GPR22: variants seen among roughly 807,000 people sequenced by gnomAD.
GPR22 encodes the protein G protein-coupled receptor 22, also known as G-protein coupled receptor 22.
Under a neutral mutation model 31.0 loss-of-function variants are expected in GPR22, and 13 were observed. That is an observed-to-expected ratio of 0.42 (90% CI 0.27 to 0.67). GPR22 has a LOEUF of 0.67. GPR22 is among the 30% of genes least tolerant of loss of function. The probability of loss-of-function intolerance (pLI) is 0.25; values close to 1 mark genes in which losing one functional copy is unlikely to be tolerated. For missense variants in GPR22, 368 were observed against 509.6 expected (o/e 0.72, Z 2.67); for synonymous variants, 191 against 173.4 (o/e 1.10, Z -0.80).
rs1291145889 is a variant in GPR22, at chr7:107,475,006, T to C, written c.946T>C (p.Leu316=). The C allele has an allele frequency of 6.2e-7, 1 of 1,612,934 alleles. No individual in the cohort carries two copies. Among genetic ancestry groups the C allele is most frequent in the Admixed American group, 1.7e-5 (1 of 59,850 alleles). ...ACAAAAGAGAGTCTTCAGGATGTCTTTATTGATTATTTCTACATTTCTTCT... is the reference window on the plus strand; with the variant it reads ...ACAAAAGAGAGTCTTCAGGATGTCTCTATTGATTATTTCTACATTTCTTCT... ...ERQKRVFRMS[L]LIISTFLLCW... Residue 316 remains leucine (L), a synonymous_variant, in exon 3 of 3, where the codon TTA becomes CTA. Coordinates refer to ENST00000304402, the MANE Select transcript of GPR22 (RefSeq NM_005295.3).
chr7:107,475,408 A>C lies in GPR22; in HGVS notation c.*46A>C. 3.3e-6 allele frequency: 3 copies of C among 901,098 alleles called. No homozygotes were observed. Among genetic ancestry groups the C allele is most frequent in the Non-Finnish European group, 5.0e-6 (3 of 600,048 alleles). 55.8% of individuals were successfully genotyped at this position (901,098 alleles called of 1,614,324 possible). On this transcript the variant is annotated 3_prime_UTR_variant, in exon 3 of 3. Transcript: ENST00000304402. ...AAATCCACATTCAAATGAGTTTTAA[A>C]TTTAAATTGTAAAAACTGATATTAC...
At position 107,475,166 on chromosome 7, in the gene GPR22, T is replaced by C. The variant is rs781055913; in HGVS notation, c.1106T>C (p.Phe369Ser). Residue 369 changes from phenylalanine (F) to serine (S), a missense_variant, in exon 3 of 3, where the codon TTC becomes TCC. Physicochemically the swap from Phe to Ser is radical, Grantham distance 155 (BLOSUM62 -2). Coordinates refer to ENST00000304402, the MANE Select transcript of GPR22 (RefSeq NM_005295.3). ...ATATTTCACCCTCTATTATATGCAT[T>C]CACTAGACAAAAATTTCAAAAGGTC... ...TTIFHPLLYA[F>S]TRQKFQKVLK... 1 of 1,609,926 alleles carries C rather than the reference T, an allele frequency of 6.2e-7. No individual in the cohort carries two copies. Among genetic ancestry groups the C allele is most frequent in the Non-Finnish European group, 8.5e-7 (1 of 1,177,522 alleles).
At position 107,474,336 on chromosome 7, in the gene GPR22, T is replaced by C; in HGVS notation, c.276T>C (p.Cys92=). 1 of 1,612,098 alleles carries C rather than the reference T, an allele frequency of 6.2e-7. No individual in the cohort carries two copies. The highest frequency in any genetic ancestry group is 8.5e-7 in the Non-Finnish European group (1 of 1,178,310). Residue 92 remains cysteine (C), a synonymous_variant, in exon 3 of 3, where the codon TGT becomes TGC. Coordinates refer to ENST00000304402, the MANE Select transcript of GPR22 (RefSeq NM_005295.3). The surrounding 1 kb of genome is among the most constrained non-coding windows in gnomAD (Gnocchi z 5.7). ...MNLHVLDVII[C]VGCIPLTIVI... ...TTCATGTACTTGATGTAATAATTTG[T>C]GTGGGATGTATTCCTCTAACTATAG...
At chr7:107,476,927 G>C (rs1797031939), downstream of GPR22, among the ~76,000 whole-genome samples, 1 of 151,464 alleles carries the variant, frequency 6.6e-6, no homozygotes, top group Non-Finnish European at 1.5e-5. Context: ...AACTCACTAA[G>C]GTTACATGAC....
chr7:107,470,670 A>G (rs922263187), intron 1 of GPR22, among the ~76,000 whole-genome samples: 2 of 152,122 alleles, frequency 1.3e-5, no homozygotes, highest in African/African-American at 2.4e-5. Flanking sequence ...CATTATGAAG[A>G]CAGCTTTTGA....
downstream of GPR22, among the ~76,000 whole-genome samples, chr7:107,476,236 C>A (rs1796986747): frequency 8.5e-6 from 1 of 117,802 alleles, no homozygotes; most frequent in Admixed American, 8.8e-5. Flanking sequence ...AGCTGACTTC[C>A]TAACTTTATT....
At chr7:107,475,939 C>A, downstream of GPR22, among the ~76,000 whole-genome samples, 1 of 150,774 alleles carries the variant, frequency 6.6e-6, no homozygotes, top group Non-Finnish European at 1.5e-5. Flanking sequence ...TAGAATTTAT[C>A]AAAATTTTAA....
rs752189081 is a variant in GPR22, at chr7:107,474,451, A to G, written c.391A>G (p.Ile131Val). The part of the protein sequence containing the change: ...CVSFASVSTA[I>V]NVFAITLDRY... Reference sequence around the variant, plus strand: ...ATCTTTTGCAAGTGTCTCAACAGCAATCAACGTTTTTGCTATCACTTTGGA... The same window carrying G: ...ATCTTTTGCAAGTGTCTCAACAGCAGTCAACGTTTTTGCTATCACTTTGGA... Residue 131 changes from isoleucine to valine, a missense_variant, in exon 3 of 3, where the codon ATC becomes GTC. By Grantham distance (29) the Ile-to-Val change is conservative. Transcript: ENST00000304402. The surrounding 1 kb of genome is among the most constrained non-coding windows in gnomAD (Gnocchi z 5.7). The G allele has an allele frequency of 6.2e-7, 1 of 1,613,428 alleles. No individual in the cohort carries two copies. The highest frequency in any genetic ancestry group is 2.2e-5 in the East Asian group (1 of 44,858).
chr7:107,473,958 T>TTTTTTTC, intron 2 of GPR22, 77 bp from the exon 3 acceptor site: 1 of 561,750 alleles, frequency 1.8e-6, no homozygotes, highest in Non-Finnish European at 3.1e-6. Context: ...TTGAAAGATT[T>TTTTTTTC]TTTTTCTTAC....
chr7:107,474,324 T>C lies in GPR22; in HGVS notation c.264T>C (p.Asp88=). ...NIITMNLHVL[D]VIICVGCIPL... ...TTACAATGAATCTTCATGTACTTGA[T>C]GTAATAATTTGTGTGGGATGTATTC... is the stretch of plus-strand genomic sequence containing the variant. The change falls in exon 3 of 3, where the codon GAT becomes GAC. Residue 88 remains aspartate, a synonymous_variant. Transcript: ENST00000304402. This position sits in a 1 kb window ranked among gnomAD's most constrained non-coding sequence, Gnocchi z 5.7. The C allele has an allele frequency of 6.2e-7, 1 of 1,611,302 alleles. No individual in the cohort carries two copies. Among genetic ancestry groups the C allele is most frequent in the South Asian group, 1.1e-5 (1 of 91,002 alleles).
In GPR22 at chr7:107,475,272, T is replaced by C. The variant is rs1329533419; in HGVS notation, c.1212T>C (p.Ser404=). 6 of 1,600,790 alleles carry C rather than the reference T, an allele frequency of 3.7e-6. No individual in the cohort carries two copies. The change falls in exon 3 of 3, where the codon TCT becomes TCC. Residue 404 remains serine, a synonymous_variant. Coordinates refer to ENST00000304402, the MANE Select transcript of GPR22 (RefSeq NM_005295.3). ...PLPNNAVIHN[S]WIDPKRNKKI... is the part of the protein sequence containing the mutation. ...CTAATAATGCTGTAATACACAACTCTTGGATAGATCCTAAAAGAAACAAAA... is the reference window on the plus strand; with the variant it reads ...CTAATAATGCTGTAATACACAACTCCTGGATAGATCCTAAAAGAAACAAAA...
At position 107,471,734 on chromosome 7, in the gene GPR22, G is replaced by A. The variant is rs1796645437; in HGVS notation, c.-595G>A. ...AAAAAGAAAAGAAAATACTTTATCA[G>A]CACACAAAAGGAAGATTTAGGAAGT... On this transcript the variant is annotated 5_prime_UTR_variant, in exon 2 of 3. Coordinates refer to ENST00000304402, the MANE Select transcript of GPR22 (RefSeq NM_005295.3). The A allele has an allele frequency of 6.6e-6, 1 of 151,964 alleles. No individual in the cohort carries two copies. The highest frequency in any genetic ancestry group is 2.1e-4 in the South Asian group (1 of 4,834). 9.4% of individuals were successfully genotyped at this position (151,964 alleles called of 1,614,324 possible). A position where few individuals can be genotyped will look rare whatever the true frequency, so the allele number is the denominator to read the frequency against.
downstream of GPR22, among the ~76,000 whole-genome samples, chr7:107,476,405 C>G (rs1320207181): frequency 6.6e-6 from 1 of 151,430 alleles, no homozygotes. Flanking sequence ...ATGTTCCCAC[C>G]AAATCATAGC....
rs778309420 is a variant in GPR22, at chr7:107,474,046, A to C, written c.-15A>C. The stretch of plus-strand genomic sequence containing the variant: ...ATTTCACTTTCTAGGGAAAAAAACC[A>C]ACTGCTCCAAAAGAATGTGTTTTTC... On this transcript the variant is annotated 5_prime_UTR_variant, in exon 3 of 3. Coordinates refer to ENST00000304402, the MANE Select transcript of GPR22 (RefSeq NM_005295.3). The surrounding 1 kb of genome is among the most constrained non-coding windows in gnomAD (Gnocchi z 5.7). 1 of 1,430,306 alleles carries C rather than the reference A, an allele frequency of 7.0e-7. No homozygotes were observed. The highest frequency in any genetic ancestry group is 1.3e-5 in the South Asian group (1 of 74,798). 88.6% of individuals were successfully genotyped at this position (1,430,306 alleles called of 1,614,324 possible). A position where few individuals can be genotyped will look rare whatever the true frequency, so the allele number is the denominator to read the frequency against.
In GPR22 at chr7:107,475,137, A is replaced by G. The variant is rs905147375; in HGVS notation, c.1077A>G (p.Thr359=). 4 of 1,610,318 alleles carry G rather than the reference A, an allele frequency of 2.5e-6. No homozygotes were observed. In the African/African-American group the frequency reaches 5.4e-5, roughly 22 times the overall value. The part of the protein sequence containing the change: ...RLCFLVMAYG[T]TIFHPLLYAF... ...GTTTTTTAGTCATGGCTTATGGAACAACTATATTTCACCCTCTATTATATG... is the reference window on the plus strand; with the variant it reads ...GTTTTTTAGTCATGGCTTATGGAACGACTATATTTCACCCTCTATTATATG... Residue 359 remains threonine (T), a synonymous_variant, in exon 3 of 3, where the codon ACA becomes ACG. Coordinates refer to ENST00000304402, the MANE Select transcript of GPR22 (RefSeq NM_005295.3).
chr7:107,474,740 T>G lies in GPR22; in HGVS notation c.680T>G (p.Met227Arg). The G allele has an allele frequency of 6.2e-7, 1 of 1,610,762 alleles. No individual in the cohort carries two copies. Among genetic ancestry groups the G allele is most frequent in the South Asian group, 1.1e-5 (1 of 90,716 alleles). ...IPIFFFTVVV[M>R]LITYTKILQA... Reference sequence around the variant, plus strand: ...ATATTCTTTTTCACTGTTGTAGTAATGTTAATCACATACACCAAAATACTT... The same window carrying G: ...ATATTCTTTTTCACTGTTGTAGTAAGGTTAATCACATACACCAAAATACTT... The change falls in exon 3 of 3, where the codon ATG (methionine) becomes AGG (arginine). Residue 227 changes from methionine (M) to arginine (R), a missense_variant. Met to Arg is a moderately conservative substitution (Grantham distance 91). Transcript: ENST00000304402. The surrounding 1 kb of genome is among the most constrained non-coding windows in gnomAD (Gnocchi z 5.7).
intron 2 of GPR22, 34 bp downstream of exon 2, chr7:107,472,336 C>T (rs1412413707): frequency 6.6e-6 from 1 of 151,934 alleles, no homozygotes; most frequent in African/African-American, 2.4e-5. Context: ...TCAATGATAT[C>T]ATGTATCAAT....
downstream of GPR22, among the ~76,000 whole-genome samples, chr7:107,476,775 A>T (rs533773607): frequency 1.3e-5 from 2 of 151,842 alleles, no homozygotes; most frequent in African/African-American, 4.8e-5. Context: ...CACTAAACCA[A>T]GTAGCAATTC....
chr7:107,471,408 A>T lies in GPR22; in HGVS notation c.-921A>T, dbSNP rs569801167. On this transcript the variant is annotated 5_prime_UTR_variant, in exon 2 of 3. Coordinates refer to ENST00000304402, the MANE Select transcript of GPR22 (RefSeq NM_005295.3). ...GCTAATTCAGTATTTACAACTGACA[A>T]TATGAAGAATGCAATTGACTGAGCA... The T allele has an allele frequency of 6.6e-6, 1 of 152,036 alleles. No homozygotes were observed. The highest frequency in any genetic ancestry group is 1.5e-5 in the Non-Finnish European group (1 of 67,936). The allele number at this position is 152,036 out of a possible 1,614,324, so 9.4% of individuals were successfully genotyped here.
Sources: gnomAD v4.1 joint callset for allele counts (sites outside exome capture counted in the v4.1 genomes callset) on GRCh38, gnomAD v4.1.1 for gene constraint, Gnocchi (gnomAD v3.1) non-coding constraint, MANE v1.5 for transcripts, NCBI Gene and HGNC (gene_info 2026-07-23, HGNC 2026-07-21) for gene names.